The following HJV variants were observed in gnomAD, a reference collection of about 807,000 sequenced individuals.
HJV encodes hemojuvelin.
Under a neutral mutation model 22.7 loss-of-function variants are expected in HJV, and 18 were observed. That is an observed-to-expected ratio of 0.79 (90% CI 0.55 to 1.18). The LOEUF (loss-of-function observed/expected upper bound fraction) is 1.18, where lower values mean the gene tolerates loss of function less well. HJV is among the 50% of genes most tolerant of loss of function. HJV has a pLI of 0.00. For synonymous variants in HJV, 229 were observed against 222.7 expected (o/e 1.03, Z -0.25); for missense variants, 572 against 553.0 (o/e 1.03, Z -0.34).
In HJV at chr1:146,018,776, A is replaced by G. The variant is rs1389904670; in HGVS notation, c.658-76T>C. On this transcript the variant is annotated intron_variant, in intron 3 of 3. Transcript: ENST00000336751. Reference sequence around the variant, plus strand: ...CCCCAATCAGACCTCATACATAGTTAGAGATCTGATCCAAGTAGAGATGCA... The same window carrying G: ...CCCCAATCAGACCTCATACATAGTTGGAGATCTGATCCAAGTAGAGATGCA... 9.6e-6 allele frequency: 14 copies of G among 1,456,744 alleles called. No homozygotes were observed. The East Asian group carries it at 3.2e-4, about 33-fold the overall frequency. The allele number at this position is 1,456,744 out of a possible 1,614,324, so 90.2% of individuals were successfully genotyped here.
Position 146,020,078 on chromosome 1 carries a change from C to T in HJV, c.97+57G>A. 4 of 1,218,598 alleles carry T rather than the reference C, an allele frequency of 3.3e-6. No individual in the cohort carries two copies. The South Asian group carries it at 4.8e-5, about 15-fold the overall frequency. 75.5% of individuals were successfully genotyped at this position (1,218,598 alleles called of 1,614,324 possible). ...ACTCATTCAGGCTCACATGCCCACC[C>T]CTACATAGCAGCCTACCCTCTAGAT... On this transcript the variant is annotated intron_variant, in intron 2 of 3. Coordinates refer to ENST00000336751, the MANE Select transcript of HJV (RefSeq NM_213653.4).
chr1:146,018,132 G>A lies in HJV; in HGVS notation c.1226C>T (p.Thr409Ile), dbSNP rs927042676. The A allele has an allele frequency of 1.9e-6, 3 of 1,614,084 alleles. No individual in the cohort carries two copies. The highest frequency in any genetic ancestry group is 1.3e-5 in the African/African-American group (1 of 74,932). The change falls in exon 4 of 4, where the codon ACC (threonine) becomes ATC (isoleucine). Residue 409 changes from threonine (T) to isoleucine (I), a missense_variant. Coordinates refer to ENST00000336751, the MANE Select transcript of HJV (RefSeq NM_213653.4). Reference protein sequence around the residue: ...SDAGVPLSSATLLAPLLSGLF... With the variant: ...SDAGVPLSSAILLAPLLSGLF... ...CCCAGAAAGGAGTGGAGCTAAGAGGGTTGCTGAGGAAAGAGGAACCCCAGC... is the reference window on the plus strand; with the variant it reads ...CCCAGAAAGGAGTGGAGCTAAGAGGATTGCTGAGGAAAGAGGAACCCCAGC...
In HJV at chr1:146,018,033, A is replaced by G. The variant is rs781927959; in HGVS notation, c.*44T>C. The G allele has an allele frequency of 2.1e-5, 34 of 1,600,320 alleles. No homozygotes were observed. The Admixed American group carries it at 5.5e-4, about 26-fold the overall frequency. On this transcript the variant is annotated 3_prime_UTR_variant, in exon 4 of 4. Transcript: ENST00000336751. Reference sequence around the variant, plus strand: ...TTTACATTCTTCTATGCCAATCTGTATCTCCAAATCATTTCCAAACTAGTA... The same window carrying G: ...TTTACATTCTTCTATGCCAATCTGTGTCTCCAAATCATTTCCAAACTAGTA...
chr1:146,019,828 G>A, intron 2 of HJV, 94 bp from the exon 3 acceptor site: 1 of 1,601,246 alleles, frequency 6.2e-7, no homozygotes, highest in Non-Finnish European at 8.5e-7. Flanking sequence ...TCTCATCAGG[G>A]GTTTCCAGCC....
At chr1:146,019,772 A>G (rs782608767) in intron 2 of HJV, 38 bp from the exon 3 acceptor site, 7 of 1,613,740 alleles carry the variant, frequency 4.3e-6, no homozygotes, top group Non-Finnish European at 5.9e-6. Context: ...GACGGTCCTC[A>G]GACCTCTGCT....
rs1553769635 is a variant in HJV, at chr1:146,019,262, A to G, written c.570T>C (p.Ala190=). The G allele has an allele frequency of 6.2e-6, 10 of 1,613,906 alleles. No individual in the cohort carries two copies. Among genetic ancestry groups the G allele is most frequent in the Non-Finnish European group, 8.5e-6 (10 of 1,180,046 alleles). Residue 190 remains alanine, a synonymous_variant, in exon 3 of 4, where the codon GCT becomes GCC. Coordinates refer to ENST00000336751, the MANE Select transcript of HJV (RefSeq NM_213653.4). The stretch of plus-strand genomic sequence containing the variant: ...GGAAGTCATTATCCAGTAGAGGCCA[A>G]GCTCCTTGGACACGGCATGTGTGAA... ...HHFHTCRVQG[A]WPLLDNDFLF...
In HJV at chr1:146,018,182, CTCT is replaced by C; in HGVS notation, c.1173_1175del (p.Glu392del). On this transcript the variant is annotated inframe_deletion, in exon 4 of 4. Transcript: ENST00000336751. Reference sequence around the variant, plus strand: ...CATCTGAGGGGAAGAGATGCAGCTTCTCTAAGTCTGGCAGGAAGGCTCGGGCAT... The same window carrying C: ...CATCTGAGGGGAAGAGATGCAGCTTCAAGTCTGGCAGGAAGGCTCGGGCAT... 6 of 1,614,126 alleles carry C rather than the reference CTCT, an allele frequency of 3.7e-6. No homozygotes were observed. The highest frequency in any genetic ancestry group is 5.1e-6 in the Non-Finnish European group (6 of 1,180,020).
At chr1:146,020,021 G>A in intron 2 of HJV, 114 bp downstream of exon 2, 2 of 863,850 alleles carry the variant, frequency 2.3e-6, no homozygotes, top group South Asian at 2.7e-5. Context: ...AGCAGGGCGA[G>A]TGATCGGGAC....
At position 146,018,381 on chromosome 1, in the gene HJV, C is replaced by A; in HGVS notation, c.977G>T (p.Arg326Leu). The change falls in exon 4 of 4, where the codon CGA (arginine) becomes CTA (leucine). Residue 326 changes from arginine (R) to leucine (L), a missense_variant. By Grantham distance (102) the Arg-to-Leu change is moderately radical. Transcript: ENST00000336751. Reference sequence around the variant, plus strand: ...ACGATTGCGCTCTGATCGAGAGAGTCGCTGACTTGGAGGGCACCCCCCAAC... The same window carrying A: ...ACGATTGCGCTCTGATCGAGAGAGTAGCTGACTTGGAGGGCACCCCCCAAC... ...LCVGGCPPSQ[R>L]LSRSERNRRG... The A allele has an allele frequency of 6.2e-7, 1 of 1,614,170 alleles. No individual in the cohort carries two copies. The highest frequency in any genetic ancestry group is 1.1e-5 in the South Asian group (1 of 91,080).
rs965761669 is a variant in HJV, at chr1:146,017,944, C to T, written c.*133G>A. On this transcript the variant is annotated 3_prime_UTR_variant, in exon 4 of 4. Transcript: ENST00000336751. The stretch of plus-strand genomic sequence containing the variant: ...TAATTTCAACCCTGGACTGCAGCCT[C>T]ATCTGACTCTGGATAATGTCATTGT... 2.7e-5 allele frequency: 27 copies of T among 1,003,968 alleles called. No individual in the cohort carries two copies. The highest frequency in any genetic ancestry group is 7.2e-5 in the East Asian group (3 of 41,892). 62.2% of individuals were successfully genotyped at this position (1,003,968 alleles called of 1,614,324 possible).
In HJV at chr1:146,019,160, G is replaced by T. The variant is rs782064705; in HGVS notation, c.657+15C>A. On this transcript the variant is annotated intron_variant, in intron 3 of 3. Transcript: ENST00000336751. ...ATCTCATGAGGTGGATCGGAAGGAA[G>T]ATTGAGTGCCTGACCTTCCGGGTGG... 3.1e-6 allele frequency: 5 copies of T among 1,600,526 alleles called. No homozygotes were observed. In the Admixed American group the frequency reaches 6.7e-5, roughly 21 times the overall value.
rs782572172 is a variant in HJV at position 146,018,640 on chromosome 1, C to T, written c.718G>A (p.Val240Met). ...TCAAAGGCTACAGGAAGATTATCCACCTCAGCCTGATACACCTTCTGATCA... is the reference window on the plus strand; with the variant it reads ...TCAAAGGCTACAGGAAGATTATCCATCTCAGCCTGATACACCTTCTGATCA... ...CIDQKVYQAE[V>M]DNLPVAFEDG... Residue 240 changes from valine to methionine, a missense_variant, in exon 4 of 4, where the codon GTG (valine) becomes ATG (methionine). By Grantham distance (21) the Val-to-Met change is conservative. Transcript: ENST00000336751. 2 of 1,614,150 alleles carry T rather than the reference C, an allele frequency of 1.2e-6. No homozygotes were observed. The highest frequency in any genetic ancestry group is 1.1e-5 in the South Asian group (1 of 91,078).
chr1:146,020,846 G>A lies in HJV; in HGVS notation c.-89-526C>T, dbSNP rs587708877. On this transcript the variant is annotated intron_variant, in intron 1 of 3. Transcript: ENST00000336751. ...AGAATATCAGTATTCAAATGAAAAGGAAACCAATCTCTTTTCATCAGCTCT... is the reference window on the plus strand; with the variant it reads ...AGAATATCAGTATTCAAATGAAAAGAAAACCAATCTCTTTTCATCAGCTCT... Among the ~76,000 whole-genome samples, 6 of 152,332 alleles carry A rather than the reference G, an allele frequency of 3.9e-5. No homozygotes were observed. In the East Asian group the frequency reaches 1.2e-3, roughly 29 times the overall value.
chr1:146,018,240 A>G lies in HJV; in HGVS notation c.1118T>C (p.Phe373Ser). 6.2e-7 allele frequency: 1 copy of G among 1,614,188 alleles called. No individual in the cohort carries two copies. The highest frequency in any genetic ancestry group is 8.5e-7 in the Non-Finnish European group (1 of 1,180,032). ...CAGTGCTGCCTGAGCTGCCACGGTA[A>G]AGTTGGGATCACCAGAAATTAAAAC... Reference protein sequence around the residue: ...FDVLISGDPNFTVAAQAALED... With the variant: ...FDVLISGDPNSTVAAQAALED... Residue 373 changes from phenylalanine (F) to serine (S), a missense_variant, in exon 4 of 4, where the codon TTT (phenylalanine) becomes TCT (serine). Transcript: ENST00000336751.
intron 3 of HJV, 56 bp from the exon 4 acceptor site, chr1:146,018,756 A>T: frequency 2.6e-6 from 4 of 1,559,678 alleles, no homozygotes; most frequent in Non-Finnish European, 3.5e-6. Context: ...CTTCCCCCCA[A>T]TCAGACCTCA....
In HJV at chr1:146,018,106, G is replaced by T; in HGVS notation, c.1252C>A (p.Leu418Ile). The T allele has an allele frequency of 6.2e-7, 1 of 1,614,120 alleles. No homozygotes were observed. The highest frequency in any genetic ancestry group is 8.5e-7 in the Non-Finnish European group (1 of 1,180,020). The change falls in exon 4 of 4, where the codon CTC becomes ATC. Residue 418 changes from leucine (L) to isoleucine (I), a missense_variant. Leu to Ile is a conservative substitution (Grantham distance 5, BLOSUM62 2). Transcript: ENST00000336751. ...TGAATGCAAAGCCACAGAACAAAGA[G>T]CCCAGAAAGGAGTGGAGCTAAGAGG... ...ATLLAPLLSGLFVLWLCIQ is the reference protein window; with the variant it reads ...ATLLAPLLSGIFVLWLCIQ
chr1:146,017,792 T>C lies in HJV; in HGVS notation c.*285A>G, dbSNP rs1371782964. 3.8e-5 allele frequency: 16 copies of C among 418,638 alleles called. No individual in the cohort carries two copies. The highest frequency in any genetic ancestry group is 6.3e-5 in the Non-Finnish European group (14 of 220,668). The allele number at this position is 418,638 out of a possible 1,614,324, so 25.9% of individuals were successfully genotyped here. Reference sequence around the variant, plus strand: ...AAAACCTTCATGACCTCTAAACTTATAAGGGTGAAATCTGCAGTAAATGGA... The same window carrying C: ...AAAACCTTCATGACCTCTAAACTTACAAGGGTGAAATCTGCAGTAAATGGA... On this transcript the variant is annotated 3_prime_UTR_variant, in exon 4 of 4. Coordinates refer to ENST00000336751, the MANE Select transcript of HJV (RefSeq NM_213653.4).
In HJV at chr1:146,019,534, C is replaced by T. The variant is rs782190715; in HGVS notation, c.298G>A (p.Asp100Asn). Residue 100 changes from aspartate (D) to asparagine (N), a missense_variant, in exon 3 of 4, where the codon GAC becomes AAC. Coordinates refer to ENST00000336751, the MANE Select transcript of HJV (RefSeq NM_213653.4). ...TGTACCGCCGAATGGAAGGCGAGGT[C>T]CCCGCGGCAGGTGCGGGCGGTGCGC... Reference protein sequence around the residue: ...TRRTARTCRGDLAFHSAVHGI... With the variant: ...TRRTARTCRGNLAFHSAVHGI... The T allele has an allele frequency of 6.2e-7, 1 of 1,612,892 alleles. No homozygotes were observed. Among genetic ancestry groups the T allele is most frequent in the Non-Finnish European group, 8.5e-7 (1 of 1,179,914 alleles).
intron 3 of HJV, 98 bp downstream of exon 3, chr1:146,019,077 A>T (rs1326482531): frequency 4.9e-5 from 51 of 1,031,896 alleles, no homozygotes; most frequent in Non-Finnish European, 7.8e-5. Flanking sequence ...AAGAAAAGGG[A>T]ATTAGGGAGC....
Sources: allele counts gnomAD v4.1 joint callset (sites outside exome capture counted in the v4.1 genomes callset), GRCh38; gene constraint gnomAD v4.1.1; transcripts MANE v1.5; gene names NCBI Gene and HGNC (gene_info 2026-07-23, HGNC 2026-07-21).